Variants in TBL1X observed in about 807,000 individuals in gnomAD.
The protein encoded by TBL1X is transducin beta like 1 X-linked.
Under a neutral mutation model 50.7 loss-of-function variants are expected in TBL1X, and 10 were observed. The observed-to-expected ratio is 0.20, with a 90% CI of 0.12 to 0.33. TBL1X has a LOEUF of 0.33. TBL1X is among the 10% of genes least tolerant of loss of function. The pLI is 1.00. For missense variants in TBL1X, 340 were observed against 504.4 expected (o/e 0.67, Z 3.12); for synonymous variants, 190 against 214.7 (o/e 0.88, Z 1.01).
In TBL1X at chrX:9,552,928, A is replaced by G. The variant is rs750926865; in HGVS notation, c.-131+51079A>G. On this transcript the variant is annotated intron_variant, in intron 2 of 17. Transcript: ENST00000645353. ...GAGGCTGAGGTGGAAGGGTTATTTGAGCCCAGGAGTTCAAGGCCAGCCTGG... is the reference window on the plus strand; with the variant it reads ...GAGGCTGAGGTGGAAGGGTTATTTGGGCCCAGGAGTTCAAGGCCAGCCTGG... 2.6e-4 allele frequency among the ~76,000 whole-genome samples: 29 copies of G among 111,559 alleles called. No homozygotes were observed. The Admixed American group carries it at 2.7e-3, about 10-fold the overall frequency.
chrX:9,515,656 C>A (rs144552764), intron 2 of TBL1X, among the ~76,000 whole-genome samples: 1 of 112,253 alleles, frequency 8.9e-6, no homozygotes, highest in Non-Finnish European at 1.9e-5. Flanking sequence ...CAGAAGCCTG[C>A]GTGACTTGTA....
intron 13 of TBL1X, among the ~76,000 whole-genome samples, chrX:9,708,598 G>C (rs1282332967): frequency 9.1e-6 from 1 of 109,321 alleles, no homozygotes; most frequent in Non-Finnish European, 1.9e-5. Flanking sequence ...AAGTGCATAA[G>C]AGGCCTGGCA....
intron 3 of TBL1X, among the ~76,000 whole-genome samples, chrX:9,643,567 TAGGCC>T (rs1393241846): frequency 4.5e-5 from 5 of 111,651 alleles, no homozygotes; most frequent in African/African-American, 1.6e-4. Flanking sequence ...AAAATTGATA[TAGGCC>T]AGGCACGGTG....
intron 1 of TBL1X, among the ~76,000 whole-genome samples, chrX:9,497,144 C>T (rs1211251074): frequency 1.8e-5 from 2 of 111,447 alleles, no homozygotes; most frequent in African/African-American, 6.5e-5. Flanking sequence ...CACAGTGGCT[C>T]ACGCCTGTAA....
At chrX:9,540,181 T>C (rs2082207697) in intron 2 of TBL1X, among the ~76,000 whole-genome samples, 1 of 112,309 alleles carries the variant, frequency 8.9e-6, no homozygotes, top group African/African-American at 3.2e-5. Flanking sequence ...ACTGAACACT[T>C]ATGCGTTAGC....
At chrX:9,608,686 G>GA (rs930537410) in intron 2 of TBL1X, among the ~76,000 whole-genome samples, 3 of 112,187 alleles carry the variant, frequency 2.7e-5, no homozygotes, top group African/African-American at 9.7e-5. Context: ...GGTTTTTGTC[G>GA]AAAAAATAAT....
At chrX:9,692,650 C>T (rs1439438133) in intron 9 of TBL1X, among the ~76,000 whole-genome samples, 3 of 112,801 alleles carry the variant, frequency 2.7e-5, no homozygotes, top group Admixed American at 9.3e-5. Context: ...CAATGTGATC[C>T]GCCTGCCTCA....
intron 2 of TBL1X, among the ~76,000 whole-genome samples, chrX:9,532,721 T>C (rs1286329615): frequency 1.8e-5 from 2 of 111,478 alleles, no homozygotes; most frequent in Non-Finnish European, 3.8e-5. Flanking sequence ...GTCTTCTCCC[T>C]GGGTCCTAAC....
At chrX:9,654,132 A>G (rs1424973768) in intron 4 of TBL1X, 83 bp from the exon 5 acceptor site, 1 of 780,450 alleles carries the variant, frequency 1.3e-6, no homozygotes, top group South Asian at 2.6e-5. Flanking sequence ...AATAGCATGG[A>G]TATTATTTTC....
chrX:9,556,725 G>C (rs1331224595), intron 2 of TBL1X, among the ~76,000 whole-genome samples: 1 of 110,528 alleles, frequency 9.0e-6, no homozygotes, highest in African/African-American at 3.3e-5. Context: ...CTAAAATCGA[G>C]GCATCTACAG....
At chrX:9,472,853 C>T (rs1211438886) in intron 1 of TBL1X, among the ~76,000 whole-genome samples, 1 of 109,061 alleles carries the variant, frequency 9.2e-6, no homozygotes, top group East Asian at 2.9e-4. Context: ...GTGGAGCTTG[C>T]AGTGAGCCAA....
intron 12 of TBL1X, among the ~76,000 whole-genome samples, chrX:9,698,813 G>A (rs776445048): frequency 1.8e-5 from 2 of 111,977 alleles, no homozygotes; most frequent in Non-Finnish European, 3.8e-5. Context: ...TCGGGCCTGT[G>A]GTGTTAGCAC....
chrX:9,629,858 G>A (rs1178317632), intron 2 of TBL1X, among the ~76,000 whole-genome samples: 1 of 110,713 alleles, frequency 9.0e-6, no homozygotes, highest in African/African-American at 3.3e-5. Context: ...CTTCGGGATC[G>A]CTGATCGCCG....
Position 9,536,952 on chromosome X carries a change from C to G in TBL1X, c.-131+35103C>G, listed in dbSNP as rs188256692. Among the ~76,000 whole-genome samples the G allele has an allele frequency of 3.6e-5, 4 of 112,100 alleles. No homozygotes were observed. In the East Asian group the frequency reaches 1.1e-3, roughly 31 times the overall value. On this transcript the variant is annotated intron_variant, in intron 2 of 17. Coordinates refer to ENST00000645353, the MANE Select transcript of TBL1X (RefSeq NM_005647.4). ...AAAAGGCTTTCTCTTGTTTTGAATGCGCCAAGAAAGATTTCCAGGCCGTTA... is the reference window on the plus strand; with the variant it reads ...AAAAGGCTTTCTCTTGTTTTGAATGGGCCAAGAAAGATTTCCAGGCCGTTA...
intron 1 of TBL1X, among the ~76,000 whole-genome samples, chrX:9,479,938 A>ATGGGTGTGTGTGTGTGTGTG (rs2081870983): frequency 1.1e-5 from 1 of 94,986 alleles, no homozygotes; most frequent in Non-Finnish European, 2.1e-5. Flanking sequence ...GGAAAGTAGA[A>ATGGGTGTGTGTGTGTGTGTG]TGTGTGTGTG....
chrX:9,631,802 A>T (rs752155637), intron 2 of TBL1X, among the ~76,000 whole-genome samples: 1 of 112,950 alleles, frequency 8.9e-6, no homozygotes, highest in Non-Finnish European at 1.9e-5. Context: ...TCTGCCACTT[A>T]TCATTTCTTT....
chrX:9,654,618 G>A (rs933745468), intron 5 of TBL1X, among the ~76,000 whole-genome samples: 3 of 111,352 alleles, frequency 2.7e-5, no homozygotes, highest in Admixed American at 9.5e-5. Context: ...CCTCCACCTC[G>A]GCGAGGGCAT....
At chrX:9,478,552 T>A (rs1344852086) in intron 1 of TBL1X, among the ~76,000 whole-genome samples, 1 of 111,894 alleles carries the variant, frequency 8.9e-6, no homozygotes, top group Non-Finnish European at 1.9e-5. Context: ...ACGGTTTAAA[T>A]GATAATAGGC....
intron 2 of TBL1X, among the ~76,000 whole-genome samples, chrX:9,520,990 C>T (rs149132242): frequency 0.018 from 1,983 of 110,828 alleles, 54 homozygotes; most frequent in African/African-American, 0.063. Flanking sequence ...CCCAGCTGCT[C>T]GGGAGGCTGA....
Sources: allele counts gnomAD v4.1 joint callset (sites outside exome capture counted in the v4.1 genomes callset), GRCh38; gene constraint gnomAD v4.1.1; transcripts MANE v1.5; gene names NCBI Gene and HGNC (gene_info 2026-07-23, HGNC 2026-07-21).